EPHB1: variants seen among roughly 807,000 people sequenced by gnomAD.
EPHB1 encodes EPH receptor B1.
A neutral mutation model predicts 94.4 loss-of-function variants in EPHB1; 30 were observed. That is an observed-to-expected ratio of 0.32 (90% CI 0.24 to 0.43). EPHB1 has a LOEUF of 0.43. EPHB1 is among the 20% of genes least tolerant of loss of function. The pLI, the probability that EPHB1 is intolerant of heterozygous loss-of-function variation, is 1.00. For missense variants in EPHB1, 1,055 were observed against 1,308.3 expected, an observed-to-expected ratio of 0.81 and a Z score of 2.99; for synonymous variants, 522 against 489.1, an observed-to-expected ratio of 1.07 and a Z score of -0.89.
chr3:135,135,345 A>T (rs1340263778), intron 5 of EPHB1, among the ~76,000 whole-genome samples: 91 of 152,216 alleles, frequency 6.0e-4, no homozygotes, highest in Non-Finnish European at 3.2e-4. Flanking sequence ...TGATGAATCT[A>T]TGTGTAAATA....
Position 134,941,752 on chromosome 3 carries a change from G to GACACACACACACACACAC in EPHB1, c.124-9589_124-9572dup, listed in dbSNP as rs3067391. On this transcript the variant is annotated intron_variant, in intron 2 of 15. Transcript: ENST00000398015. ...ATAGCATGCTTTACATATGCACACA[G>GACACACACACACACACAC]ACACACACACACACACACACACACA... 7.8e-4 allele frequency among the ~76,000 whole-genome samples: 105 copies of GACACACACACACACACAC among 134,794 alleles called. 1 individual carries two copies. The highest frequency in any genetic ancestry group is 2.8e-3 in the African/African-American group (100 of 35,478). 88.4% of individuals were successfully genotyped at this position (134,794 alleles called of 152,430 possible). A position where few individuals can be genotyped will look rare whatever the true frequency, so the allele number is the denominator to read the frequency against.
In EPHB1 at chr3:135,132,753, A is replaced by G. The variant is rs770814203; in HGVS notation, c.1001A>G (p.Asn334Ser). Residue 334 changes from asparagine to serine, a missense_variant, in exon 5 of 16, where the codon AAT becomes AGT. Physicochemically the swap from Asn to Ser is conservative, Grantham distance 46. Coordinates refer to ENST00000398015, the MANE Select transcript of EPHB1 (RefSeq NM_004441.5). The stretch of plus-strand genomic sequence containing the variant: ...CCCCGCAATGTTATCTCCATCGTCA[A>G]TGAGACGTCCATCATTCTGGAGTGG... ...SGPRNVISIV[N>S]ETSIILEWHP... 13 of 1,608,326 alleles carry G rather than the reference A, an allele frequency of 8.1e-6. No homozygotes were observed. Among genetic ancestry groups the G allele is most frequent in the Non-Finnish European group, 9.4e-6 (11 of 1,175,464 alleles).
intron 9 of EPHB1, among the ~76,000 whole-genome samples, chr3:135,176,690 A>T (rs146009098): frequency 6.6e-6 from 1 of 152,364 alleles, no homozygotes; most frequent in East Asian, 1.9e-4. Flanking sequence ...TTAAGAGATA[A>T]GCCCTTTCCC....
chr3:134,961,512 A>G (rs1173890341), intron 3 of EPHB1, among the ~76,000 whole-genome samples: 1 of 152,180 alleles, frequency 6.6e-6, no homozygotes, highest in African/African-American at 2.4e-5. Flanking sequence ...AACATTTTGA[A>G]CAGGTAATAT....
chr3:134,855,603 G>A, intron 1 of EPHB1, among the ~76,000 whole-genome samples: 1 of 152,190 alleles, frequency 6.6e-6, no homozygotes, highest in East Asian at 1.9e-4. Context: ...TGCAGACTGA[G>A]CCATAACCTG....
rs75692036 is a variant in EPHB1, at chr3:135,034,666, C to A, written c.806-71782C>A. ...ACAGCCGCAGGGACTCTGGACAAGT[C>A]CTGCCATGTGGCTGTGCCTGGGGTG... On this transcript the variant is annotated intron_variant, in intron 3 of 15. Transcript: ENST00000398015. Among the ~76,000 whole-genome samples, 1,528 of 152,340 alleles carry A rather than the reference C, an allele frequency of 0.01. 106 individuals carry two copies. The East Asian group carries it at 0.18, about 18-fold the overall frequency.
At chr3:134,943,786 A>G (rs1036557040) in intron 2 of EPHB1, among the ~76,000 whole-genome samples, 2 of 152,154 alleles carry the variant, frequency 1.3e-5, no homozygotes, top group Non-Finnish European at 2.9e-5. Flanking sequence ...ATACAGGGAT[A>G]AAGGGGTAAG....
intron 15 of EPHB1, among the ~76,000 whole-genome samples, chr3:135,256,243 G>A (rs1576506999): frequency 6.6e-6 from 1 of 152,158 alleles, no homozygotes; most frequent in Admixed American, 6.5e-5. Context: ...TGTTATGTGT[G>A]AATTTGATTC....
At chr3:135,048,877 C>T (rs954836433) in intron 3 of EPHB1, among the ~76,000 whole-genome samples, 1 of 152,184 alleles carries the variant, frequency 6.6e-6, no homozygotes, top group African/African-American at 2.4e-5. Flanking sequence ...CAGTTAATTC[C>T]TGCTTGCTTC....
At chr3:134,905,717 G>C (rs1020119094) in intron 1 of EPHB1, among the ~76,000 whole-genome samples, 4 of 152,186 alleles carry the variant, frequency 2.6e-5, no homozygotes, top group African/African-American at 9.7e-5. Context: ...CTGACTCTTG[G>C]CTTATGTTTC....
intron 1 of EPHB1, among the ~76,000 whole-genome samples, chr3:134,832,631 C>T (rs1402644231): frequency 1.3e-5 from 2 of 152,188 alleles, no homozygotes; most frequent in African/African-American, 2.4e-5. Flanking sequence ...TTGATTCCAT[C>T]ATTGTCAATG....
intron 5 of EPHB1, among the ~76,000 whole-genome samples, chr3:135,140,114 A>G (rs149569041): frequency 8.3e-4 from 127 of 152,292 alleles, no homozygotes; most frequent in Non-Finnish European, 1.5e-3. Context: ...ACTGGAGGAA[A>G]TTTCTTACCC....
chr3:134,868,985 A>G (rs1190828420), intron 1 of EPHB1, among the ~76,000 whole-genome samples: 1 of 152,248 alleles, frequency 6.6e-6, no homozygotes, highest in East Asian at 1.9e-4. Context: ...TTGGATTCAA[A>G]TCCTATCTCT....
At chr3:134,945,440 C>CT (rs887410152) in intron 2 of EPHB1, among the ~76,000 whole-genome samples, 2 of 151,946 alleles carry the variant, frequency 1.3e-5, no homozygotes, top group African/African-American at 2.4e-5. Flanking sequence ...GTTATGTTTT[C>CT]TTTTTTTTCC....
At chr3:135,052,890 A>AAAAATAT (rs1553726757) in intron 3 of EPHB1, among the ~76,000 whole-genome samples, 8 of 54,592 alleles carry the variant, frequency 1.5e-4, no homozygotes, top group Admixed American at 2.8e-4. Context: ...AAAAAAAAAA[A>AAAAATAT]ATATATATAT....
At chr3:135,098,396 T>A (rs539036914) in intron 3 of EPHB1, among the ~76,000 whole-genome samples, 1 of 152,256 alleles carries the variant, frequency 6.6e-6, no homozygotes, top group African/African-American at 2.4e-5. Flanking sequence ...ACTCTATAGT[T>A]TTAGACCACA....
intron 4 of EPHB1, among the ~76,000 whole-genome samples, chr3:135,118,538 T>G (rs534611695): frequency 6.6e-6 from 1 of 152,216 alleles, no homozygotes; most frequent in African/African-American, 2.4e-5. Context: ...TATTTCCTTC[T>G]ACGCCTGACA....
intron 1 of EPHB1, among the ~76,000 whole-genome samples, chr3:134,856,852 A>G (rs983924915): frequency 1.3e-5 from 2 of 152,226 alleles, no homozygotes; most frequent in Non-Finnish European, 1.5e-5. Context: ...TAAATCACCT[A>G]TGTGATTTGC....
chr3:134,921,011 G>A (rs1456171098), intron 1 of EPHB1, among the ~76,000 whole-genome samples: 2 of 152,140 alleles, frequency 1.3e-5, no homozygotes, highest in Non-Finnish European at 2.9e-5. Context: ...TCTCCCCTGA[G>A]TAGCTGGGAT....
Sources: gnomAD v4.1 joint callset for allele counts (sites outside exome capture counted in the v4.1 genomes callset) on GRCh38, gnomAD v4.1.1 for gene constraint, MANE v1.5 for transcripts, NCBI Gene and HGNC (gene_info 2026-07-23, HGNC 2026-07-21) for gene names.